Variants in UNC5C observed in about 807,000 individuals in gnomAD.
UNC5C encodes unc-5 netrin receptor C, also known as netrin receptor UNC5C.
A neutral mutation model predicts 99.8 loss-of-function variants in UNC5C; 47 were observed. That is an observed-to-expected ratio of 0.47 (90% CI 0.37 to 0.60). The LOEUF (loss-of-function observed/expected upper bound fraction) is 0.60. Among genes scored for constraint, UNC5C ranks in the 20% least tolerant of loss-of-function variants. The pLI, the probability that UNC5C is intolerant of heterozygous loss-of-function variation, is 0.00. For missense variants in UNC5C, 1,062 were observed against 1,165.9 expected, an observed-to-expected ratio of 0.91 and a Z score of 1.30; for synonymous variants, 487 against 452.2, an observed-to-expected ratio of 1.08 and a Z score of -0.98.
intron 4 of UNC5C, among the ~76,000 whole-genome samples, chr4:95,264,116 G>A (rs1252668331): frequency 6.6e-6 from 1 of 152,142 alleles, no homozygotes; most frequent in Non-Finnish European, 1.5e-5. Flanking sequence ...CTGGGGTGAG[G>A]ATGCTGAGCA....
chr4:95,320,959 C>A (rs1408492025), intron 2 of UNC5C, among the ~76,000 whole-genome samples: 2 of 152,136 alleles, frequency 1.3e-5, no homozygotes, highest in Admixed American at 6.5e-5. Context: ...TAAAAACTCT[C>A]ACTGTATATA....
intron 4 of UNC5C, 40 bp from the exon 5 acceptor site, chr4:95,250,707 G>A: frequency 1.3e-6 from 2 of 1,590,840 alleles, no homozygotes; most frequent in South Asian, 2.3e-5. Context: ...CCTCAGCATG[G>A]ATCCCCTGAT....
intron 1 of UNC5C, among the ~76,000 whole-genome samples, chr4:95,466,373 T>C (rs1299640736): frequency 1.3e-5 from 2 of 152,106 alleles, no homozygotes; most frequent in Non-Finnish European, 2.9e-5. Context: ...AATCAACATA[T>C]ATGAAACTAC....
At chr4:95,544,581 T>A (rs1278935243) in intron 1 of UNC5C, among the ~76,000 whole-genome samples, 2 of 152,208 alleles carry the variant, frequency 1.3e-5, no homozygotes, top group Admixed American at 1.3e-4. Flanking sequence ...CCTGTAGGGC[T>A]TAAACTGCCT....
At position 95,262,816 on chromosome 4, in the gene UNC5C, C is replaced by A. The variant is rs12649104; in HGVS notation, c.595-12149G>T. ...AGAAAAAGGAATACTGTAAGTTTCC[C>A]TATTTTTTTTTTTTTTGAGATGGAG... On this transcript the variant is annotated intron_variant, in intron 4 of 15. Transcript: ENST00000453304. Among the ~76,000 whole-genome samples, 198 of 150,814 alleles carry A rather than the reference C, an allele frequency of 1.3e-3. 1 individual carries two copies. The highest frequency in any genetic ancestry group is 4.5e-3 in the African/African-American group (183 of 40,898).
intron 1 of UNC5C, among the ~76,000 whole-genome samples, chr4:95,427,256 C>T (rs1294523675): frequency 6.6e-6 from 1 of 152,112 alleles, no homozygotes; most frequent in Non-Finnish European, 1.5e-5. Context: ...GAATCTATTC[C>T]TGGTCAAGAT....
intron 12 of UNC5C, among the ~76,000 whole-genome samples, chr4:95,197,275 T>C (rs1737469781): frequency 6.6e-6 from 1 of 151,632 alleles, no homozygotes; most frequent in Non-Finnish European, 1.5e-5. Flanking sequence ...TCTCCTGGAC[T>C]CATTCCCTGA....
intron 1 of UNC5C, among the ~76,000 whole-genome samples, chr4:95,377,449 C>T (rs1430455732): frequency 1.3e-5 from 2 of 152,118 alleles, no homozygotes; most frequent in Non-Finnish European, 2.9e-5. Context: ...ATAAAAATCC[C>T]TCTAATTGGG....
intron 1 of UNC5C, among the ~76,000 whole-genome samples, chr4:95,412,976 G>A (rs1030857080): frequency 2.6e-5 from 4 of 152,040 alleles, no homozygotes; most frequent in Non-Finnish European, 4.4e-5. Flanking sequence ...ATTCTCTCTC[G>A]ACTTCCTTCA....
intron 1 of UNC5C, among the ~76,000 whole-genome samples, chr4:95,418,076 C>G (rs892812746): frequency 3.3e-5 from 5 of 152,096 alleles, no homozygotes; most frequent in Non-Finnish European, 7.4e-5. Flanking sequence ...AGTAGGTTAG[C>G]GAATGAGCAA....
chr4:95,467,603 CCTGTGTCTGCATAGT>C (rs139186568), intron 1 of UNC5C, among the ~76,000 whole-genome samples: 4,655 of 151,962 alleles, frequency 0.031, 209 homozygotes, highest in African/African-American at 0.1. Flanking sequence ...TAAATGATGC[CCTGTGTCTGCATAGT>C]CACTGCATAA....
intron 2 of UNC5C, among the ~76,000 whole-genome samples, chr4:95,311,493 C>A (rs952369602): frequency 6.6e-6 from 1 of 152,152 alleles, no homozygotes; most frequent in Non-Finnish European, 1.5e-5. Flanking sequence ...AATCTTACTA[C>A]ATGCATGTCT....
At chr4:95,390,047 C>T in intron 1 of UNC5C, among the ~76,000 whole-genome samples, 1 of 152,070 alleles carries the variant, frequency 6.6e-6, no homozygotes, top group Non-Finnish European at 1.5e-5. Context: ...CCCCAAAACT[C>T]ACTGAAATGA....
intron 1 of UNC5C, among the ~76,000 whole-genome samples, chr4:95,485,765 A>T (rs541361398): frequency 6.6e-6 from 1 of 151,736 alleles, no homozygotes; most frequent in Non-Finnish European, 1.5e-5. Flanking sequence ...TTGTCATTAG[A>T]TCCAGCTATA....
chr4:95,510,606 TC>T (rs1214666368), intron 1 of UNC5C, among the ~76,000 whole-genome samples: 1 of 152,108 alleles, frequency 6.6e-6, no homozygotes. Flanking sequence ...TGTTATTTAG[TC>T]CTTCAGAATT....
At chr4:95,176,673 C>A (rs1439324594) in intron 14 of UNC5C, among the ~76,000 whole-genome samples, 1 of 152,232 alleles carries the variant, frequency 6.6e-6, no homozygotes, top group African/African-American at 2.4e-5. Context: ...TTTAAGTCTG[C>A]AGAGGTTACT....
intron 2 of UNC5C, among the ~76,000 whole-genome samples, chr4:95,331,549 A>G (rs767108588): frequency 3.0e-4 from 45 of 152,110 alleles, no homozygotes; most frequent in Non-Finnish European, 5.9e-4. Context: ...TAATAAAGCT[A>G]TGTTGTATAT....
At chr4:95,539,690 T>C (rs1040361202) in intron 1 of UNC5C, among the ~76,000 whole-genome samples, 1 of 152,144 alleles carries the variant, frequency 6.6e-6, no homozygotes, top group African/African-American at 2.4e-5. Context: ...ACATATATGC[T>C]CACAGGGAAT....
At chr4:95,252,007 G>A (rs1739762413) in intron 4 of UNC5C, among the ~76,000 whole-genome samples, 1 of 152,160 alleles carries the variant, frequency 6.6e-6, no homozygotes, top group South Asian at 2.1e-4. Flanking sequence ...AGGGTAGTGA[G>A]AAAAAGAATA....
Sources: gnomAD v4.1 joint callset for allele counts (sites outside exome capture counted in the v4.1 genomes callset) on GRCh38, gnomAD v4.1.1 for gene constraint, MANE v1.5 for transcripts, NCBI Gene and HGNC (gene_info 2026-07-23, HGNC 2026-07-21) for gene names.